Variants in DLGAP3 observed in about 807,000 individuals in gnomAD.
DLGAP3 encodes the protein DLG associated protein 3.
Under a neutral mutation model 81.2 loss-of-function variants are expected in DLGAP3, and 17 were observed. The observed-to-expected ratio is 0.21, with a 90% CI of 0.14 to 0.31. DLGAP3 has a LOEUF of 0.31. DLGAP3 is among the 10% of genes least tolerant of loss of function. The probability of loss-of-function intolerance (pLI) is 1.00; values close to 1 mark genes in which losing one functional copy is unlikely to be tolerated. For missense variants in DLGAP3, 1,124 were observed against 1,388.0 expected (o/e 0.81, Z 3.02); for synonymous variants, 577 against 587.4 (o/e 0.98, Z 0.26).
At chr1:34,926,634 C>T (rs756247651) in intron 1 of DLGAP3, among the ~76,000 whole-genome samples, 1 of 152,128 alleles carries the variant, frequency 6.6e-6, no homozygotes, top group East Asian at 1.9e-4. Context: ...GGAAGCTCCT[C>T]TAGGCAAAAG....
intron 1 of DLGAP3, among the ~76,000 whole-genome samples, chr1:34,916,037 A>G (rs535185065): frequency 3.9e-4 from 59 of 152,214 alleles, no homozygotes; most frequent in African/African-American, 1.3e-3. Flanking sequence ...GAAGGCCAGG[A>G]TTCAGGGGAT....
rs994676585 is a variant in DLGAP3, at chr1:34,873,299, G to A, written c.2001-4210C>T. Among the ~76,000 whole-genome samples the A allele has an allele frequency of 4.6e-5, 7 of 152,210 alleles. No individual in the cohort carries two copies. Among genetic ancestry groups the A allele is most frequent in the Admixed American group, 1.3e-4 (2 of 15,272 alleles). On this transcript the variant is annotated intron_variant, in intron 8 of 11. Coordinates refer to ENST00000373347, the MANE Select transcript of DLGAP3 (RefSeq NM_001080418.3). The surrounding 1 kb of genome is among the most constrained non-coding windows in gnomAD (Gnocchi z 4.2). ...CCCCAATCATCACAATGAAGTGGGC[G>A]ATGGGGGGTGGTTATCTGCTGGAGA...
rs769336751 is a variant in DLGAP3 at position 34,880,559 on chromosome 1, C to G, written c.2000+4419G>C. 2.0e-5 allele frequency among the ~76,000 whole-genome samples: 3 copies of G among 151,940 alleles called. No individual in the cohort carries two copies. The East Asian group carries it at 5.8e-4, about 30-fold the overall frequency. On this transcript the variant is annotated intron_variant, in intron 8 of 11. Coordinates refer to ENST00000373347, the MANE Select transcript of DLGAP3 (RefSeq NM_001080418.3). ...CAGCCTAGTCAACATGGTGAAAACCCGTCTCTACTAAAAATACAAAAATTA... is the reference window on the plus strand; with the variant it reads ...CAGCCTAGTCAACATGGTGAAAACCGGTCTCTACTAAAAATACAAAAATTA...
intron 5 of DLGAP3, among the ~76,000 whole-genome samples, chr1:34,893,174 G>A (rs1396385022): frequency 2.5e-4 from 16 of 64,464 alleles, no homozygotes; most frequent in South Asian, 1.8e-3. Flanking sequence ...GCGAGACTCC[G>A]TCTCAAAAAA....
chr1:34,865,843 A>T lies in DLGAP3; in HGVS notation c.*240T>A. On this transcript the variant is annotated 3_prime_UTR_variant, in exon 12 of 12. Coordinates refer to ENST00000373347, the MANE Select transcript of DLGAP3 (RefSeq NM_001080418.3). ...GGACAAAGCGTCGGACCAGGTGGGC[A>T]GGGGATCCAGGTGAGGGGCGCAGGG... 3 of 607,350 alleles carry T rather than the reference A, an allele frequency of 4.9e-6. No individual in the cohort carries two copies. Among genetic ancestry groups the T allele is most frequent in the Middle Eastern group, 4.3e-4 (1 of 2,316 alleles). The allele number at this position is 607,350 out of a possible 1,614,324, so 37.6% of individuals were successfully genotyped here. A position where few individuals can be genotyped will look rare whatever the true frequency, so the allele number is the denominator to read the frequency against.
rs142536643 is a variant in DLGAP3 at position 34,869,593 on chromosome 1, G to A, written c.2001-504C>T. 1.9e-3 allele frequency among the ~76,000 whole-genome samples: 276 copies of A among 149,054 alleles called. 10 individuals carry two copies. In the East Asian group the frequency reaches 0.04, roughly 21 times the overall value. ...CAACCTCCGCCTCCCGGGTTCAAGC[G>A]ATTCTCCTGCTTCAGCCTCCCGAGT... On this transcript the variant is annotated intron_variant, in intron 8 of 11. Coordinates refer to ENST00000373347, the MANE Select transcript of DLGAP3 (RefSeq NM_001080418.3).
chr1:34,899,989 A>G lies in DLGAP3; in HGVS notation c.1313+79T>C, dbSNP rs116363723. ...ACCTAAGCAGGACTACCTGACTGGC[A>G]CCCACTCTACACACATCTCCCGCAG... On this transcript the variant is annotated intron_variant, in intron 4 of 11. Coordinates refer to ENST00000373347, the MANE Select transcript of DLGAP3 (RefSeq NM_001080418.3). 5,334 of 1,282,068 alleles carry G rather than the reference A, an allele frequency of 4.2e-3. 158 individuals carry two copies. In the African/African-American group the frequency reaches 0.067, roughly 16 times the overall value. The allele number at this position is 1,282,068 out of a possible 1,614,324, so 79.4% of individuals were successfully genotyped here. A position where few individuals can be genotyped will look rare whatever the true frequency, so the allele number is the denominator to read the frequency against.
chr1:34,868,989 T>C lies in DLGAP3; in HGVS notation c.2101A>G (p.Lys701Glu), dbSNP rs1427241253. 6.2e-7 allele frequency: 1 copy of C among 1,608,118 alleles called. No individual in the cohort carries two copies. Among genetic ancestry groups the C allele is most frequent in the African/African-American group, 1.3e-5 (1 of 74,878 alleles). ...AAGGAGCGTCCAAACTGCAGGGCCTTGTCTTCTGTGGCCACCGTGGCCAGG... is the reference window on the plus strand; with the variant it reads ...AAGGAGCGTCCAAACTGCAGGGCCTCGTCTTCTGTGGCCACCGTGGCCAGG... ...AGLATVATED[K>E]ALQFGRSFQR... The change falls in exon 9 of 12, where the codon AAG becomes GAG. Residue 701 changes from lysine to glutamate, a missense_variant. Lys to Glu is a moderately conservative substitution (Grantham distance 56, BLOSUM62 1). This residue lies in a region of DLGAP3 where 379 missense variants were observed against 455.7 expected (regional missense o/e 0.83). Coordinates refer to ENST00000373347, the MANE Select transcript of DLGAP3 (RefSeq NM_001080418.3). The surrounding 1 kb of genome is among the most constrained non-coding windows in gnomAD (Gnocchi z 7.5).
chr1:34,902,350 A>G lies in DLGAP3; in HGVS notation c.1107+1927T>C, dbSNP rs973500172. Among the ~76,000 whole-genome samples, 2 of 152,150 alleles carry G rather than the reference A, an allele frequency of 1.3e-5. No individual in the cohort carries two copies. Among genetic ancestry groups the G allele is most frequent in the African/African-American group, 2.4e-5 (1 of 41,444 alleles). ...CAGGAGCAGGGCTCTTCAAGGGGCT[A>G]GGGCTCATTTGGATGATGGGAAACA... On this transcript the variant is annotated intron_variant, in intron 3 of 11. Transcript: ENST00000373347. This position sits in a 1 kb window ranked among gnomAD's most constrained non-coding sequence, Gnocchi z 4.4.
rs79627862 is a variant in DLGAP3 at position 34,873,750 on chromosome 1, A to G, written c.2001-4661T>C. Among the ~76,000 whole-genome samples, 1,641 of 152,234 alleles carry G rather than the reference A, an allele frequency of 0.011. 30 individuals carry two copies. Among genetic ancestry groups the G allele is most frequent in the African/African-American group, 0.038 (1,568 of 41,514 alleles). On this transcript the variant is annotated intron_variant, in intron 8 of 11. Coordinates refer to ENST00000373347, the MANE Select transcript of DLGAP3 (RefSeq NM_001080418.3). This position sits in a 1 kb window ranked among gnomAD's most constrained non-coding sequence, Gnocchi z 4.2. ...ACAAAACTCTTTTATACTCCATATC[A>G]CATTGTATCATGGCTGGTTATTTGC...
chr1:34,881,102 A>C (rs1639137367), intron 8 of DLGAP3, among the ~76,000 whole-genome samples: 1 of 152,230 alleles, frequency 6.6e-6, no homozygotes, highest in Non-Finnish European at 1.5e-5. Context: ...AGCAGTAAAA[A>C]ATTGTAGGCT....
At chr1:34,905,887 T>C (rs922865580) in intron 2 of DLGAP3, among the ~76,000 whole-genome samples, 7 of 151,382 alleles carry the variant, frequency 4.6e-5, no homozygotes, top group Admixed American at 3.9e-4. Flanking sequence ...ATGCCTGTAG[T>C]CCCAGCTACT....
At chr1:34,882,426 C>T (rs1370267567) in intron 8 of DLGAP3, among the ~76,000 whole-genome samples, 2 of 151,830 alleles carry the variant, frequency 1.3e-5, no homozygotes, top group African/African-American at 2.4e-5. Context: ...TGCAGTGAGC[C>T]GAGATCATGC....
intron 1 of DLGAP3, among the ~76,000 whole-genome samples, chr1:34,915,746 G>C (rs927153707): frequency 2.0e-5 from 3 of 152,166 alleles, no homozygotes; most frequent in African/African-American, 7.2e-5. Context: ...GACCTTCAAG[G>C]ATATCTATAC....
At chr1:34,906,666 A>G (rs1389453073) in intron 2 of DLGAP3, among the ~76,000 whole-genome samples, 1 of 152,196 alleles carries the variant, frequency 6.6e-6, no homozygotes, top group African/African-American at 2.4e-5. Context: ...ATAAAGAAGA[A>G]GAACAGCGGC....
intron 8 of DLGAP3, among the ~76,000 whole-genome samples, chr1:34,871,733 A>C (rs745425279): frequency 1.8e-4 from 27 of 152,120 alleles, no homozygotes; most frequent in Non-Finnish European, 2.8e-4. Flanking sequence ...CGGCACTGCC[A>C]TGTTCGCTGC....
chr1:34,922,303 C>T (rs780987442), intron 1 of DLGAP3, among the ~76,000 whole-genome samples: 14 of 152,216 alleles, frequency 9.2e-5, no homozygotes, highest in Non-Finnish European at 1.8e-4. Context: ...AGAAGAGCTA[C>T]AAGTAGCAGG....
intron 8 of DLGAP3, among the ~76,000 whole-genome samples, chr1:34,876,965 C>T (rs932501044): frequency 1.3e-5 from 2 of 152,208 alleles, no homozygotes; most frequent in African/African-American, 4.8e-5. Flanking sequence ...GAAGCTCCCA[C>T]TCACACCCTA....
chr1:34,893,588 TA>T (rs1639345468), intron 5 of DLGAP3, among the ~76,000 whole-genome samples: 1 of 152,222 alleles, frequency 6.6e-6, no homozygotes. Context: ...TGTTGGTTTA[TA>T]ACAAGTGTTA....
Sources: gnomAD v4.1 joint callset for allele counts (sites outside exome capture counted in the v4.1 genomes callset) on GRCh38, gnomAD v4.1.1 for gene constraint, gnomAD v4.1.1 regional missense constraint, Gnocchi (gnomAD v3.1) non-coding constraint, MANE v1.5 for transcripts, NCBI Gene and HGNC (gene_info 2026-07-23, HGNC 2026-07-21) for gene names.